GALNT17: variants seen among roughly 807,000 people sequenced by gnomAD.
The protein encoded by GALNT17 is polypeptide N-acetylgalactosaminyltransferase 17, also known as UDP-GalNAc:polypeptide N-acetylgalactosaminyltransferase-like 3.
A neutral mutation model predicts 63.7 loss-of-function variants in GALNT17; 29 were observed. The observed-to-expected ratio is 0.46, with a 90% CI of 0.34 to 0.62. The LOEUF (loss-of-function observed/expected upper bound fraction) is 0.62, where lower values mean the gene tolerates loss of function less well. GALNT17 is among the 20% of genes least tolerant of loss of function. The pLI is 0.01. For synonymous variants in GALNT17, 305 were observed against 318.3 expected (o/e 0.96, Z 0.45); for missense variants, 603 against 799.6 (o/e 0.75, Z 2.97).
At chr7:71,468,695 G>T (rs908898871) in intron 5 of GALNT17, among the ~76,000 whole-genome samples, 2 of 152,106 alleles carry the variant, frequency 1.3e-5, no homozygotes, top group Non-Finnish European at 2.9e-5. Context: ...GGGATTACAG[G>T]TGTGAGCCAC....
intron 1 of GALNT17, among the ~76,000 whole-genome samples, chr7:71,301,638 G>A (rs1182201872): frequency 2.0e-5 from 3 of 151,836 alleles, no homozygotes; most frequent in Non-Finnish European, 4.4e-5. Context: ...TATAGTTGAG[G>A]CATAAACTCA....
chr7:71,431,209 CTTTTTTTTTTTTTT>C (rs1265130879), intron 5 of GALNT17, among the ~76,000 whole-genome samples: 2 of 115,118 alleles, frequency 1.7e-5, no homozygotes, highest in Non-Finnish European at 3.4e-5. Flanking sequence ...CTTTTCTTTT[CTTTTTTTTTTTTTT>C]TTTTTTGAGA....
chr7:71,441,768 G>C (rs1334716104), intron 5 of GALNT17, among the ~76,000 whole-genome samples: 2 of 152,152 alleles, frequency 1.3e-5, no homozygotes, highest in African/African-American at 4.8e-5. Context: ...TTGCTGAGAA[G>C]CATGGTTTCC....
chr7:71,421,177 G>A, intron 5 of GALNT17, 72 bp downstream of exon 5: 2 of 1,532,816 alleles, frequency 1.3e-6, no homozygotes, highest in South Asian at 1.2e-5. Context: ...ACTGAGAGAG[G>A]CCAGGAAAGC....
At chr7:71,260,505 T>C (rs1020201748) in intron 1 of GALNT17, among the ~76,000 whole-genome samples, 62 of 152,286 alleles carry the variant, frequency 4.1e-4, no homozygotes, top group African/African-American at 1.4e-3. Flanking sequence ...GGGGACTCAT[T>C]CTCCTAGAAA....
intron 1 of GALNT17, among the ~76,000 whole-genome samples, chr7:71,152,223 T>C (rs1450868757): frequency 6.6e-6 from 1 of 152,172 alleles, no homozygotes; most frequent in Non-Finnish European, 1.5e-5. Flanking sequence ...AGCTTTTTCT[T>C]TTTTTTCATT....
chr7:71,193,718 G>A (rs1788995494), intron 1 of GALNT17, among the ~76,000 whole-genome samples: 1 of 151,892 alleles, frequency 6.6e-6, no homozygotes, highest in Admixed American at 6.6e-5. Flanking sequence ...TTTGTGTTTG[G>A]ATGTGGAGTT....
At chr7:71,529,391 G>A (rs983094859) in intron 5 of GALNT17, among the ~76,000 whole-genome samples, 4 of 152,042 alleles carry the variant, frequency 2.6e-5, no homozygotes, top group Admixed American at 6.6e-5. Context: ...CCCGATGGGC[G>A]TATGGATAAA....
intron 5 of GALNT17, among the ~76,000 whole-genome samples, chr7:71,528,055 C>T (rs549047680): frequency 2.3e-4 from 35 of 152,202 alleles, no homozygotes; most frequent in Non-Finnish European, 4.1e-4. Flanking sequence ...TGAAACTTAG[C>T]CATTCCAGGA....
At chr7:71,355,245 G>T (rs1393692278) in intron 2 of GALNT17, among the ~76,000 whole-genome samples, 2 of 151,856 alleles carry the variant, frequency 1.3e-5, no homozygotes, top group Non-Finnish European at 2.9e-5. Context: ...GACTTACTTT[G>T]TTGTTGTTTT....
chr7:71,396,620 A>G (rs892966291), intron 3 of GALNT17, among the ~76,000 whole-genome samples: 4 of 152,144 alleles, frequency 2.6e-5, no homozygotes, highest in Non-Finnish European at 1.5e-5. Context: ...TTTACATATT[A>G]ATTTCAAGAC....
intron 6 of GALNT17, among the ~76,000 whole-genome samples, chr7:71,635,926 C>A (rs1790523539): frequency 6.6e-6 from 1 of 152,164 alleles, no homozygotes; most frequent in African/African-American, 2.4e-5. Context: ...TGGCCAGCTT[C>A]TTTACTGCAG....
intron 6 of GALNT17, among the ~76,000 whole-genome samples, chr7:71,611,625 C>T (rs964356373): frequency 6.6e-6 from 1 of 151,914 alleles, no homozygotes; most frequent in African/African-American, 2.4e-5. Context: ...ACTCTTGTCA[C>T]GGTCTAGAGC....
At chr7:71,385,999 C>T (rs947944475) in intron 2 of GALNT17, among the ~76,000 whole-genome samples, 4 of 152,152 alleles carry the variant, frequency 2.6e-5, no homozygotes, top group Admixed American at 2.0e-4. Flanking sequence ...GCCAGGAGTT[C>T]GAGACCAGCC....
chr7:71,541,263 C>T (rs1030947249), intron 5 of GALNT17, among the ~76,000 whole-genome samples: 2 of 147,142 alleles, frequency 1.4e-5, no homozygotes, highest in African/African-American at 5.0e-5. Flanking sequence ...AAAAATGCTG[C>T]GTATGATGGG....
At chr7:71,483,677 T>C (rs928096791) in intron 5 of GALNT17, among the ~76,000 whole-genome samples, 8 of 152,000 alleles carry the variant, frequency 5.3e-5, no homozygotes, top group African/African-American at 1.9e-4. Flanking sequence ...TACTAATTTA[T>C]TCTTTTTAAA....
intron 5 of GALNT17, among the ~76,000 whole-genome samples, chr7:71,427,589 G>T (rs1018095374): frequency 4.6e-5 from 7 of 151,958 alleles, no homozygotes; most frequent in Admixed American, 3.9e-4. Context: ...CTTCTTGTTT[G>T]CCCCATGTAC....
In GALNT17 at chr7:71,694,739, CTAAAG is replaced by C. The variant is rs1791515446; in HGVS notation, c.1501-16018_1501-16014del. ...AATAAGGAAGCAGAGTCCCATAGGGCTAAAGTAATTGGCCCAGGGCCATAAAATCA... is the reference window on the plus strand; with the variant it reads ...AATAAGGAAGCAGAGTCCCATAGGGCTAATTGGCCCAGGGCCATAAAATCA... On this transcript the variant is annotated intron_variant, in intron 9 of 10. Coordinates refer to ENST00000333538, the MANE Select transcript of GALNT17 (RefSeq NM_022479.3). Among the ~76,000 whole-genome samples, 7 of 152,206 alleles carry C rather than the reference CTAAAG, an allele frequency of 4.6e-5. No homozygotes were observed. The South Asian group carries it at 1.4e-3, about 31-fold the overall frequency.
intron 1 of GALNT17, among the ~76,000 whole-genome samples, chr7:71,303,788 C>G (rs1257567045): frequency 1.3e-5 from 2 of 152,070 alleles, no homozygotes; most frequent in Non-Finnish European, 2.9e-5. Flanking sequence ...CAAGGCTTGA[C>G]CTCAAACATT....
Sources: allele counts gnomAD v4.1 joint callset (sites outside exome capture counted in the v4.1 genomes callset), GRCh38; gene constraint gnomAD v4.1.1; transcripts MANE v1.5; gene names NCBI Gene and HGNC (gene_info 2026-07-23, HGNC 2026-07-21).